The following HDAC9 variants were observed in gnomAD, a reference collection of about 807,000 sequenced individuals.
HDAC9 encodes the protein MEF-2 interacting transcription repressor (MITR) protein.
Under a neutral mutation model 139.4 loss-of-function variants are expected in HDAC9, and 41 were observed. The observed-to-expected ratio is 0.29, with a 90% confidence interval of 0.23 to 0.38. The LOEUF is 0.38. HDAC9 is among the 10% of genes least tolerant of loss of function. HDAC9 has a pLI of 1.00. For synonymous variants in HDAC9, 517 were observed against 476.2 expected (o/e 1.09, Z -1.12); for missense variants, 1,147 against 1,297.0 (o/e 0.88, Z 1.78).
At chr7:18,280,530 T>G (rs1041766027) in intron 2 of HDAC9, among the ~76,000 whole-genome samples, 87 of 151,242 alleles carry the variant, frequency 5.8e-4, no homozygotes, top group African/African-American at 2.0e-3. Flanking sequence ...GGAGGTTGCA[T>G]TGAGCCAAGA....
At chr7:18,859,178 C>T (rs1214517553) in intron 21 of HDAC9, among the ~76,000 whole-genome samples, 1 of 152,078 alleles carries the variant, frequency 6.6e-6, no homozygotes, top group Non-Finnish European at 1.5e-5. Context: ...GTGATCATTG[C>T]AACATTAGAA....
intron 16 of HDAC9, among the ~76,000 whole-genome samples, chr7:18,778,512 C>G (rs1036913442): frequency 2.6e-5 from 4 of 151,888 alleles, no homozygotes; most frequent in South Asian, 2.1e-4. Flanking sequence ...TTTGAAGCAC[C>G]CTTTACACAG....
At chr7:18,845,899 G>A (rs956122551) in intron 21 of HDAC9, among the ~76,000 whole-genome samples, 3 of 152,170 alleles carry the variant, frequency 2.0e-5, no homozygotes, top group Non-Finnish European at 2.9e-5. Flanking sequence ...TCCAGGAGGA[G>A]TTTGCTTGGA....
intron 6 of HDAC9, among the ~76,000 whole-genome samples, chr7:18,625,549 A>T (rs543521942): frequency 1.3e-5 from 2 of 152,266 alleles, no homozygotes; most frequent in African/African-American, 2.4e-5. Flanking sequence ...ATGTGTCCAG[A>T]TATTGCCAAA....
chr7:18,897,758 G>A (rs1294991994), intron 22 of HDAC9, among the ~76,000 whole-genome samples: 1 of 150,738 alleles, frequency 6.6e-6, no homozygotes, highest in East Asian at 1.9e-4. Flanking sequence ...TTTTAAAAGT[G>A]GTTATAAAAC....
intron 6 of HDAC9, among the ~76,000 whole-genome samples, chr7:18,604,992 T>G (rs190860355): frequency 1.3e-5 from 2 of 152,338 alleles, no homozygotes; most frequent in Admixed American, 1.3e-4. Flanking sequence ...CATGATATAT[T>G]GGACAATAGA....
At chr7:18,366,841 C>T (rs186737847) in intron 1 of HDAC9, among the ~76,000 whole-genome samples, 23 of 151,952 alleles carry the variant, frequency 1.5e-4, no homozygotes, top group Admixed American at 3.3e-4. Context: ...TAAAGTGATG[C>T]GTTTAGTTAG....
chr7:18,400,699 T>C (rs940498398), intron 1 of HDAC9, among the ~76,000 whole-genome samples: 2 of 152,008 alleles, frequency 1.3e-5, no homozygotes, highest in African/African-American at 4.8e-5. Context: ...TAGAGGAGGA[T>C]GAAGATGAAT....
chr7:18,433,283 A>G (rs984385566), intron 1 of HDAC9, among the ~76,000 whole-genome samples: 1 of 152,188 alleles, frequency 6.6e-6, no homozygotes, highest in African/African-American at 2.4e-5. Flanking sequence ...CATAGCCAAC[A>G]ACATACTGAA....
At position 18,995,216 on chromosome 7, in the gene HDAC9, GC is replaced by G. The variant is rs376934535; in HGVS notation, c.3171-806del. Among the ~76,000 whole-genome samples, 1,331 of 152,300 alleles carry G rather than the reference GC, an allele frequency of 8.7e-3. 5 individuals carry two copies. The highest frequency in any genetic ancestry group is 0.013 in the Non-Finnish European group (869 of 68,020). On this transcript the variant is annotated intron_variant, in intron 25 of 25. Transcript: ENST00000686413. ...AGTTGCAAAATTAACAAATGGCAGAGCTCAGACGCAAACTCAATTCACCCGG... is the reference window on the plus strand; with the variant it reads ...AGTTGCAAAATTAACAAATGGCAGAGTCAGACGCAAACTCAATTCACCCGG...
chr7:18,764,570 A>C (rs1388021813), intron 15 of HDAC9, among the ~76,000 whole-genome samples: 1 of 152,136 alleles, frequency 6.6e-6, no homozygotes, highest in Non-Finnish European at 1.5e-5. Flanking sequence ...GTTAACTTTT[A>C]ATACTTTTTT....
chr7:18,692,811 A>C (rs1782765226), intron 12 of HDAC9, among the ~76,000 whole-genome samples: 1 of 152,072 alleles, frequency 6.6e-6, no homozygotes, highest in Admixed American at 6.6e-5. Flanking sequence ...AAGTAAGTGC[A>C]TTTTTTGGGC....
intron 1 of HDAC9, among the ~76,000 whole-genome samples, chr7:18,355,562 T>A (rs1269309499): frequency 1.3e-5 from 2 of 152,172 alleles, no homozygotes; most frequent in African/African-American, 4.8e-5. Context: ...TATTTTGAAA[T>A]GGACTGTTGG....
At chr7:18,881,027 G>A (rs1053434013) in intron 22 of HDAC9, among the ~76,000 whole-genome samples, 1 of 151,950 alleles carries the variant, frequency 6.6e-6, no homozygotes, top group African/African-American at 2.4e-5. Flanking sequence ...TTAACAGTGA[G>A]TTATTCTTAG....
intron 21 of HDAC9, among the ~76,000 whole-genome samples, chr7:18,855,932 G>T (rs1268220967): frequency 6.6e-6 from 1 of 152,038 alleles, no homozygotes. Flanking sequence ...CAAAATAATT[G>T]TAAGCATTAC....
intron 1 of HDAC9, among the ~76,000 whole-genome samples, chr7:18,435,257 G>A (rs1000189583): frequency 6.6e-5 from 10 of 151,852 alleles, no homozygotes; most frequent in African/African-American, 2.4e-4. Context: ...CCTACGTGAG[G>A]GTGAAGGTAA....
intron 12 of HDAC9, among the ~76,000 whole-genome samples, chr7:18,720,694 T>C (rs538649813): frequency 1.7e-4 from 26 of 151,884 alleles, no homozygotes; most frequent in African/African-American, 5.3e-4. Flanking sequence ...CTTTTCTTCT[T>C]TTTTTGAGAC....
At chr7:18,215,515 C>T (rs1035803971) in intron 2 of HDAC9, among the ~76,000 whole-genome samples, 2 of 152,008 alleles carry the variant, frequency 1.3e-5, no homozygotes, top group African/African-American at 2.4e-5. Context: ...CCTCTTTTAC[C>T]ATGTGAAGGA....
chr7:18,339,539 A>G (rs946675588), intron 1 of HDAC9, among the ~76,000 whole-genome samples: 2 of 151,498 alleles, frequency 1.3e-5, no homozygotes, highest in Admixed American at 6.6e-5. Flanking sequence ...TAATTTGCAT[A>G]GTAGCTTCAT....
Sources: allele counts gnomAD v4.1 joint callset (sites outside exome capture counted in the v4.1 genomes callset), GRCh38; gene constraint gnomAD v4.1.1; transcripts MANE v1.5; gene names NCBI Gene and HGNC (gene_info 2026-07-23, HGNC 2026-07-21).